Variants in WDR7 observed in about 807,000 individuals in gnomAD.
WDR7 encodes WD repeat-containing protein 7.
A neutral mutation model predicts 169.4 loss-of-function variants in WDR7; 46 were observed. The observed-to-expected ratio is 0.27, with a 90% CI of 0.21 to 0.35. The LOEUF (loss-of-function observed/expected upper bound fraction) is 0.35. WDR7 is among the 10% of genes least tolerant of loss of function. The probability of loss-of-function intolerance (pLI) is 1.00; values close to 1 mark genes in which losing one functional copy is unlikely to be tolerated. For synonymous variants in WDR7, 612 were observed against 666.8 expected (o/e 0.92, Z 1.27); for missense variants, 1,534 against 1,859.3 (o/e 0.83, Z 3.22).
chr18:56,874,487 TATTA>T (rs2045996694), intron 20 of WDR7, among the ~76,000 whole-genome samples: 1 of 152,012 alleles, frequency 6.6e-6, no homozygotes, highest in South Asian at 2.1e-4. Flanking sequence ...ATATTTTAAT[TATTA>T]ATTTAAAATA....
chr18:57,003,566 G>T (rs1009881525), intron 26 of WDR7, among the ~76,000 whole-genome samples: 10 of 152,034 alleles, frequency 6.6e-5, no homozygotes, highest in African/African-American at 2.4e-4. Context: ...TCAGGTTTTT[G>T]ATCTCCATAA....
chr18:56,809,337 A>C (rs58881145), intron 19 of WDR7, among the ~76,000 whole-genome samples: 18,371 of 152,000 alleles, frequency 0.12, 1,645 homozygotes, highest in African/African-American at 0.25. Flanking sequence ...ATATTTAAAT[A>C]ACGCAATTTG....
chr18:56,753,707 T>A (rs1301981361), intron 14 of WDR7, among the ~76,000 whole-genome samples: 1 of 151,392 alleles, frequency 6.6e-6, no homozygotes, highest in Non-Finnish European at 1.5e-5. Context: ...TAATAGGGTG[T>A]CGATGGAAGA....
At chr18:56,932,874 G>GGTGTGTGTGTGTGTGTGT (rs34838445) in intron 22 of WDR7, among the ~76,000 whole-genome samples, 15 of 131,922 alleles carry the variant, frequency 1.1e-4, no homozygotes, top group African/African-American at 4.6e-4. Flanking sequence ...CTTCATTCTG[G>GGTGTGTGTGTGTGTGTGT]GTGTGTGTGT....
intron 14 of WDR7, among the ~76,000 whole-genome samples, chr18:56,755,378 T>G (rs968990349): frequency 3.9e-5 from 6 of 152,174 alleles, no homozygotes; most frequent in Non-Finnish European, 7.4e-5. Context: ...TAGAGTGACA[T>G]GATTAGATTT....
chr18:56,735,922 A>T (rs1426018917), intron 14 of WDR7, among the ~76,000 whole-genome samples: 2 of 152,306 alleles, frequency 1.3e-5, no homozygotes, highest in East Asian at 3.9e-4. Context: ...TATCAACTAC[A>T]TCAGAAGATA....
intron 25 of WDR7, among the ~76,000 whole-genome samples, chr18:56,941,011 A>AT (rs761666723): frequency 6.6e-6 from 1 of 152,156 alleles, no homozygotes; most frequent in Admixed American, 6.5e-5. Flanking sequence ...CTCAGTATAA[A>AT]TTTTTTCTGA....
intron 26 of WDR7, among the ~76,000 whole-genome samples, chr18:56,969,358 AT>A (rs2047452791): frequency 6.6e-6 from 1 of 152,166 alleles, no homozygotes; most frequent in Admixed American, 6.5e-5. Context: ...GACCTTTGAG[AT>A]TCTGGTTTTG....
At chr18:56,796,813 A>T (rs1482058606) in intron 19 of WDR7, among the ~76,000 whole-genome samples, 1 of 152,220 alleles carries the variant, frequency 6.6e-6, no homozygotes, top group African/African-American at 2.4e-5. Context: ...GGCATGGAAG[A>T]AAAAAGGAAA....
At chr18:56,821,383 G>GTA (rs1568214627) in intron 20 of WDR7, among the ~76,000 whole-genome samples, 2 of 152,226 alleles carry the variant, frequency 1.3e-5, no homozygotes, top group South Asian at 4.1e-4. Context: ...AACAAGCTGA[G>GTA]AGAGATAACT....
intron 22 of WDR7, among the ~76,000 whole-genome samples, chr18:56,933,417 T>A (rs2046917819): frequency 6.6e-6 from 1 of 152,246 alleles, no homozygotes. Context: ...ATCTTTCTGA[T>A]AACTCTGTAG....
chr18:56,915,011 A>T (rs1599153894), intron 21 of WDR7, among the ~76,000 whole-genome samples: 1 of 152,192 alleles, frequency 6.6e-6, no homozygotes, highest in South Asian at 2.1e-4. Flanking sequence ...GACTGTTTTG[A>T]TTAAACTGAT....
intron 12 of WDR7, among the ~76,000 whole-genome samples, chr18:56,700,459 G>C (rs960485320): frequency 2.0e-5 from 3 of 151,286 alleles, no homozygotes. Context: ...GTTTCACCAT[G>C]TTGGCCAGGA....
At chr18:56,904,369 C>T (rs1467799257) in intron 21 of WDR7, among the ~76,000 whole-genome samples, 2 of 152,110 alleles carry the variant, frequency 1.3e-5, no homozygotes, top group Non-Finnish European at 1.5e-5. Context: ...TGTGCCTGGC[C>T]TCATAATAAT....
At chr18:57,031,102 T>C (rs982534111), downstream of WDR7, 6 of 152,104 alleles carry the variant, frequency 3.9e-5, no homozygotes, top group Non-Finnish European at 7.4e-5. Context: ...TTTTGTTTTG[T>C]TTTTTTGAGT....
At chr18:56,797,214 C>T (rs1299158998) in intron 19 of WDR7, among the ~76,000 whole-genome samples, 1 of 152,140 alleles carries the variant, frequency 6.6e-6, no homozygotes, top group Non-Finnish European at 1.5e-5. Context: ...TGAAGTTGAA[C>T]TGAGCTAAGG....
At chr18:56,885,470 TAGAGAA>T (rs888140619) in intron 21 of WDR7, among the ~76,000 whole-genome samples, 45 of 151,990 alleles carry the variant, frequency 3.0e-4, no homozygotes, top group African/African-American at 1.0e-3. Flanking sequence ...AGGACATGCT[TAGAGAA>T]ATGTGAAATA....
At chr18:56,888,085 T>G (rs1218124717) in intron 21 of WDR7, among the ~76,000 whole-genome samples, 1 of 152,210 alleles carries the variant, frequency 6.6e-6, no homozygotes, top group Non-Finnish European at 1.5e-5. Flanking sequence ...GAGGCATAGA[T>G]AGTGAGTTCT....
intron 13 of WDR7, among the ~76,000 whole-genome samples, chr18:56,719,534 C>A (rs575541556): frequency 2.9e-5 from 4 of 138,092 alleles, no homozygotes; most frequent in Non-Finnish European, 6.0e-5. Flanking sequence ...TGCACTCCAG[C>A]CTGGGAGACA....
Sources: gnomAD v4.1 joint callset for allele counts (sites outside exome capture counted in the v4.1 genomes callset) on GRCh38, gnomAD v4.1.1 for gene constraint, MANE v1.5 for transcripts, NCBI Gene and HGNC (gene_info 2026-07-23, HGNC 2026-07-21) for gene names.